CCT6B: variants seen among roughly 807,000 people sequenced by gnomAD.
The protein encoded by CCT6B is probable T-complex protein 1 subunit zeta-2.
In CCT6B, 49 loss-of-function variants were observed where a neutral mutation model predicts 61.5. That is an observed-to-expected ratio of 0.80 (90% confidence interval 0.63 to 1.01). The LOEUF (loss-of-function observed/expected upper bound fraction) is 1.01, where lower values mean the gene tolerates loss of function less well. Ranked by LOEUF, CCT6B falls within the 50% of genes least tolerant of loss-of-function variation. The probability of loss-of-function intolerance (pLI) is 0.00; values close to 1 mark genes in which losing one functional copy is unlikely to be tolerated. For missense variants in CCT6B, 666 were observed against 634.7 expected (o/e 1.05, Z -0.53); for synonymous variants, 228 against 214.5 (o/e 1.06, Z -0.55).
Position 34,929,041 on chromosome 17 carries a change from A to G in CCT6B, c.1451-7T>C. 1 of 1,580,848 alleles carries G rather than the reference A, an allele frequency of 6.3e-7. No homozygotes were observed. The highest frequency in any genetic ancestry group is 8.7e-7 in the Non-Finnish European group (1 of 1,153,648). ...GCTGCTACCATTGGCTCACCTGAAAAGTAAAAACAATTTTCATACCAAAAT... is the reference window on the plus strand; with the variant it reads ...GCTGCTACCATTGGCTCACCTGAAAGGTAAAAACAATTTTCATACCAAAAT... On this transcript the variant is annotated splice_region_variant and splice_polypyrimidine_tract_variant and intron_variant, in intron 12 of 13. Transcript: ENST00000314144.
rs201374055 is a variant in CCT6B at position 34,952,097 on chromosome 17, T to C, written c.511-44A>G. ...AGAACAGTTAAGTTATTTGGACTAC[T>C]AAAATAAACCAAGGGCCCAAACAAT... On this transcript the variant is annotated intron_variant, in intron 4 of 13. Transcript: ENST00000314144. 9.1e-6 allele frequency: 11 copies of C among 1,213,644 alleles called. No homozygotes were observed. In the East Asian group the frequency reaches 2.3e-4, roughly 26 times the overall value. 75.2% of individuals were successfully genotyped at this position (1,213,644 alleles called of 1,614,324 possible). A position where few individuals can be genotyped will look rare whatever the true frequency, so the allele number is the denominator to read the frequency against.
chr17:34,961,293 A>G lies in CCT6B; in HGVS notation c.101T>C (p.Leu34Pro). 6.2e-7 allele frequency: 1 copy of G among 1,612,898 alleles called. No individual in the cohort carries two copies. The highest frequency in any genetic ancestry group is 1.1e-5 in the South Asian group (1 of 90,998). The change falls in exon 1 of 14, where the codon CTG (leucine) becomes CCG (proline). Residue 34 changes from leucine to proline, a missense_variant. Physicochemically the swap from Leu to Pro is moderately conservative, Grantham distance 98. Coordinates refer to ENST00000314144, the MANE Select transcript of CCT6B (RefSeq NM_006584.4). The part of the protein sequence containing the change: ...ICAARGLQDV[L>P]RTNLGPKGTM... ...GCCTTTAGGACCCAAGTTGGTCCGC[A>G]GCACATCCTGCAGCCCTCGGGCGGC...
intron 5 of CCT6B, chr17:34,944,551 C>G (rs370498054): frequency 6.6e-6 from 1 of 152,234 alleles, no homozygotes; most frequent in South Asian, 2.1e-4. Flanking sequence ...TCTCAGTTAC[C>G]ATTCTCTCTT....
chr17:34,937,735 T>C (rs117014064), intron 10 of CCT6B, among the ~76,000 whole-genome samples: 118 of 152,248 alleles, frequency 7.8e-4, no homozygotes, highest in Admixed American at 1.8e-3. Context: ...TAAGAACTTC[T>C]CTTTGAAAGG....
At chr17:34,950,669 G>A (rs186043872) in intron 5 of CCT6B, among the ~76,000 whole-genome samples, 1 of 152,244 alleles carries the variant, frequency 6.6e-6, no homozygotes, top group African/African-American at 2.4e-5. Context: ...GGTGGCTCAC[G>A]CCTTTAATCC....
rs2090135075 is a variant in CCT6B, at chr17:34,939,498, T to C, written c.1065+119A>G. On this transcript the variant is annotated intron_variant, in intron 9 of 13. Transcript: ENST00000314144. ...ACATTTAGGTAAATAAACTGTAAAA[T>C]CTGTTCTGTGAATTAGATCTCAAAA... is the stretch of plus-strand genomic sequence containing the variant. The C allele has an allele frequency of 4.7e-6, 4 of 847,680 alleles. No individual in the cohort carries two copies. The East Asian group carries it at 1.1e-4, about 23-fold the overall frequency. The allele number at this position is 847,680 out of a possible 1,614,324, so 52.5% of individuals were successfully genotyped here. A position where few individuals can be genotyped will look rare whatever the true frequency, so the allele number is the denominator to read the frequency against.
rs1251076833 is a variant in CCT6B at position 34,942,879 on chromosome 17, A to C, written c.642T>G (p.His214Gln). ...TKLIQGLVLD[H>Q]GARHPDMKKR... ...TCTTCATATCTGGATGACGGGCACCATGATCCAAAACTAATCCTTGGATCA... is the reference window on the plus strand; with the variant it reads ...TCTTCATATCTGGATGACGGGCACCCTGATCCAAAACTAATCCTTGGATCA... Residue 214 changes from histidine to glutamine, a missense_variant, in exon 6 of 14, where the codon CAT becomes CAG. By Grantham distance (24) the His-to-Gln change is conservative. Transcript: ENST00000314144. 3 of 1,607,742 alleles carry C rather than the reference A, an allele frequency of 1.9e-6. No individual in the cohort carries two copies. The highest frequency in any genetic ancestry group is 2.7e-5 in the African/African-American group (2 of 74,770).
intron 10 of CCT6B, among the ~76,000 whole-genome samples, chr17:34,936,934 C>T (rs1445385293): frequency 2.0e-5 from 3 of 152,056 alleles, no homozygotes; most frequent in Non-Finnish European, 4.4e-5. Flanking sequence ...GGGAGGATCG[C>T]TTGAGCCCAG....
intron 10 of CCT6B, among the ~76,000 whole-genome samples, chr17:34,935,347 T>C (rs1240237920): frequency 1.3e-5 from 2 of 152,190 alleles, no homozygotes; most frequent in Admixed American, 6.6e-5. Context: ...TTAGACAACA[T>C]TGTGAATGCA....
chr17:34,948,713 T>TCAAAAAA (rs796140518), intron 5 of CCT6B, among the ~76,000 whole-genome samples: 1 of 75,342 alleles, frequency 1.3e-5, no homozygotes. Flanking sequence ...AAACTCCATC[T>TCAAAAAA]AAAAAAAAAA....
chr17:34,940,699 T>C lies in CCT6B; in HGVS notation c.886-78A>G, dbSNP rs942387615. On this transcript the variant is annotated intron_variant, in intron 7 of 13. Transcript: ENST00000314144. ...CAAACCTTTTGGTCTCAGCACCACT[T>C]TACTCTCTTAAAAATGATTAAGCAC... The C allele has an allele frequency of 4.6e-6, 3 of 645,430 alleles. No individual in the cohort carries two copies. In the Admixed American group the frequency reaches 8.8e-5, roughly 19 times the overall value. 40.0% of individuals were successfully genotyped at this position (645,430 alleles called of 1,614,324 possible).
At chr17:34,934,400 A>C (rs894221489) in intron 10 of CCT6B, among the ~76,000 whole-genome samples, 1 of 152,186 alleles carries the variant, frequency 6.6e-6, no homozygotes, top group Non-Finnish European at 1.5e-5. Context: ...AGGCCATACC[A>C]TTTCTTTTCC....
chr17:34,927,868 T>G lies in CCT6B; in HGVS notation c.*180A>C. The stretch of plus-strand genomic sequence containing the variant: ...ATATTTAAATATTATTCCTTTACTG[T>G]AAAAGTATTTATTGTGTTCTTTATA... On this transcript the variant is annotated 3_prime_UTR_variant, in exon 14 of 14. Transcript: ENST00000314144. The G allele has an allele frequency of 2.2e-6, 1 of 447,846 alleles. No homozygotes were observed. The highest frequency in any genetic ancestry group is 4.0e-6 in the Non-Finnish European group (1 of 250,508). 27.7% of individuals were successfully genotyped at this position (447,846 alleles called of 1,614,324 possible).
chr17:34,939,827 G>C, intron 8 of CCT6B, 114 bp from the exon 9 acceptor site: 1 of 694,472 alleles, frequency 1.4e-6, no homozygotes, highest in East Asian at 2.7e-5. Flanking sequence ...GTATTGTTTT[G>C]GGTTTTTAAT....
intron 4 of CCT6B, 88 bp downstream of exon 4, chr17:34,954,338 T>C: frequency 1.9e-6 from 2 of 1,037,878 alleles, no homozygotes; most frequent in Non-Finnish European, 2.8e-6. Context: ...AAAAACCACA[T>C]GAAATACTTG....
Position 34,942,909 on chromosome 17 carries a change from A to C in CCT6B, c.615-3T>G. 1 of 1,494,912 alleles carries C rather than the reference A, an allele frequency of 6.7e-7. No homozygotes were observed. Among genetic ancestry groups the C allele is most frequent in the Non-Finnish European group, 9.2e-7 (1 of 1,089,768 alleles). 92.6% of individuals were successfully genotyped at this position (1,494,912 alleles called of 1,614,324 possible). ...CCAAAACTAATCCTTGGATCAACCT[A>C]TTAAAAATATTAATGTTTCTTACTT... On this transcript the variant is annotated splice_polypyrimidine_tract_variant and splice_region_variant and intron_variant, in intron 5 of 13. Transcript: ENST00000314144.
At chr17:34,954,945 G>A (rs1397238601) in intron 3 of CCT6B, among the ~76,000 whole-genome samples, 1 of 152,310 alleles carries the variant, frequency 6.6e-6, no homozygotes, top group East Asian at 1.9e-4. Context: ...GTGGCAGATA[G>A]AACACTGTGG....
chr17:34,950,153 T>C (rs1056943471), intron 5 of CCT6B, among the ~76,000 whole-genome samples: 6 of 152,144 alleles, frequency 3.9e-5, no homozygotes, highest in Non-Finnish European at 8.8e-5. Flanking sequence ...AATTAGAAAA[T>C]ATTTTAAACT....
At chr17:34,944,921 G>A (rs188818387) in intron 5 of CCT6B, among the ~76,000 whole-genome samples, 57 of 152,218 alleles carry the variant, frequency 3.7e-4, no homozygotes, top group East Asian at 2.3e-3. Context: ...GCGAGACTCC[G>A]TCTCAAAAAA....
Sources: gnomAD v4.1 joint callset for allele counts (sites outside exome capture counted in the v4.1 genomes callset) on GRCh38, gnomAD v4.1.1 for gene constraint, MANE v1.5 for transcripts, NCBI Gene and HGNC (gene_info 2026-07-23, HGNC 2026-07-21) for gene names.